The following PITPNC1 variants were observed in gnomAD, a reference collection of about 807,000 sequenced individuals.
PITPNC1 encodes cytoplasmic phosphatidylinositol transfer protein 1.
A neutral mutation model predicts 44.7 loss-of-function variants in PITPNC1; 18 were observed. That is an observed-to-expected ratio of 0.40 (90% CI 0.28 to 0.60). PITPNC1 has a LOEUF of 0.60. PITPNC1 is among the 20% of genes least tolerant of loss of function. PITPNC1 has a pLI of 0.39. For missense variants in PITPNC1, 290 were observed against 418.4 expected (o/e 0.69, Z 2.68); for synonymous variants, 141 against 149.6 (o/e 0.94, Z 0.42).
At chr17:67,626,457 C>A (rs2041896565) in intron 5 of PITPNC1, among the ~76,000 whole-genome samples, 1 of 152,072 alleles carries the variant, frequency 6.6e-6, no homozygotes, top group Non-Finnish European at 1.5e-5. Context: ...GCAGCCTCCA[C>A]CTCCTGGGTT....
chr17:67,490,114 G>C (rs1169590504), intron 1 of PITPNC1, among the ~76,000 whole-genome samples: 1 of 2,028 alleles, frequency 4.9e-4, no homozygotes, highest in Non-Finnish European at 1.2e-3. Flanking sequence ...AGGCTTTTCT[G>C]TGTGTGTGTG....
chr17:67,569,112 A>G (rs2041018972), intron 4 of PITPNC1, among the ~76,000 whole-genome samples: 1 of 121,982 alleles, frequency 8.2e-6, no homozygotes, highest in Non-Finnish European at 1.9e-5. Context: ...GACAGAAATA[A>G]GGGCTGCCAG....
At chr17:67,402,925 C>T (rs1361472444) in intron 1 of PITPNC1, among the ~76,000 whole-genome samples, 1 of 152,144 alleles carries the variant, frequency 6.6e-6, no homozygotes, top group African/African-American at 2.4e-5. Flanking sequence ...CCTTGGCCTC[C>T]CAAAGTGCTG....
chr17:67,412,356 T>C lies in PITPNC1; in HGVS notation c.48+34154T>C, dbSNP rs551366674. On this transcript the variant is annotated intron_variant, in intron 1 of 8. Transcript: ENST00000581322. ...AGATACTGACAAAACTAGGTGCTGATGGCACAAGCTCCAGGAGCCTTGGAA... is the reference window on the plus strand; with the variant it reads ...AGATACTGACAAAACTAGGTGCTGACGGCACAAGCTCCAGGAGCCTTGGAA... Among the ~76,000 whole-genome samples, 29 of 152,224 alleles carry C rather than the reference T, an allele frequency of 1.9e-4. No individual in the cohort carries two copies. The East Asian group carries it at 2.9e-3, about 15-fold the overall frequency.
rs1200561082 is a variant in PITPNC1 at position 67,532,990 on chromosome 17, C to G, written c.197+40C>G. The G allele has an allele frequency of 2.6e-6, 4 of 1,541,240 alleles. No individual in the cohort carries two copies. In the Admixed American group the frequency reaches 7.3e-5, roughly 28 times the overall value. ...CCTGCGTTCTGCACAGAAGCCCCCT[C>G]CCACCTGACCCCATGGTGTGACAGT... On this transcript the variant is annotated intron_variant, in intron 2 of 8. Coordinates refer to ENST00000581322, the MANE Select transcript of PITPNC1 (RefSeq NM_012417.4).
chr17:67,510,450 C>T (rs1243122642), intron 1 of PITPNC1, among the ~76,000 whole-genome samples: 2 of 152,208 alleles, frequency 1.3e-5, no homozygotes, highest in African/African-American at 4.8e-5. Context: ...TCTTTAGACC[C>T]CTGGGCTGGC....
intron 4 of PITPNC1, among the ~76,000 whole-genome samples, chr17:67,572,785 T>A (rs1447917940): frequency 8.7e-6 from 1 of 115,048 alleles, no homozygotes; most frequent in Non-Finnish European, 1.7e-5. Context: ...CAGCAGGAAG[T>A]TTTCCAGGGA....
At chr17:67,638,867 G>C (rs1012937426) in intron 6 of PITPNC1, 2 of 152,186 alleles carry the variant, frequency 1.3e-5, no homozygotes, top group Non-Finnish European at 2.9e-5. Flanking sequence ...CCAGCACTTT[G>C]GGGGAGGCTG....
intron 2 of PITPNC1, among the ~76,000 whole-genome samples, chr17:67,545,085 G>A (rs2040659502): frequency 6.6e-6 from 1 of 152,008 alleles, no homozygotes; most frequent in African/African-American, 2.4e-5. Context: ...GCTGAGGCAG[G>A]AGGATCCCTT....
chr17:67,379,393 G>GT, intron 1 of PITPNC1: 6 of 984,768 alleles, frequency 6.1e-6, no homozygotes, highest in Non-Finnish European at 7.2e-6. Context: ...AAGGGTTAAG[G>GT]TAAGACCCAA....
chr17:67,590,223 A>G (rs1344755994), intron 5 of PITPNC1, among the ~76,000 whole-genome samples: 7 of 152,184 alleles, frequency 4.6e-5, no homozygotes, highest in Non-Finnish European at 1.0e-4. Flanking sequence ...GGAAGATACT[A>G]AAATAGAATT....
chr17:67,497,996 G>T (rs147411618), intron 1 of PITPNC1, among the ~76,000 whole-genome samples: 1,740 of 151,896 alleles, frequency 0.011, 23 homozygotes, highest in Non-Finnish European at 0.019. Context: ...GAGTAGCTGG[G>T]ACCACAGGCA....
intron 8 of PITPNC1, among the ~76,000 whole-genome samples, chr17:67,677,782 G>C (rs1164360298): frequency 1.3e-5 from 2 of 151,896 alleles, no homozygotes; most frequent in African/African-American, 2.4e-5. Context: ...ATGCTGGCCA[G>C]GTTGGTCTCA....
chr17:67,564,942 C>A (rs1228666538), intron 4 of PITPNC1, among the ~76,000 whole-genome samples: 1 of 151,496 alleles, frequency 6.6e-6, no homozygotes, highest in African/African-American at 2.4e-5. Flanking sequence ...GGTGGGTATA[C>A]TAGTTTTTCA....
chr17:67,624,214 C>CTTTTTTT (rs71139163), intron 5 of PITPNC1, among the ~76,000 whole-genome samples: 5 of 127,116 alleles, frequency 3.9e-5, no homozygotes, highest in African/African-American at 1.2e-4. Flanking sequence ...TCTTTCTTTT[C>CTTTTTTT]TTTTTTTTTT....
chr17:67,607,567 T>G (rs2041624523), intron 5 of PITPNC1, among the ~76,000 whole-genome samples: 1 of 152,194 alleles, frequency 6.6e-6, no homozygotes, highest in African/African-American at 2.4e-5. Flanking sequence ...TACAGAGAAG[T>G]TTGTAAGAAG....
rs112445793 is a variant in PITPNC1, at chr17:67,440,881, C to T, written c.48+62679C>T. On this transcript the variant is annotated intron_variant, in intron 1 of 8. Transcript: ENST00000581322. Reference sequence around the variant, plus strand: ...GACTTTTGGGGTGGTTTAAAAATTACGCCTGTGTAGCACTGGGAACATTAT... The same window carrying T: ...GACTTTTGGGGTGGTTTAAAAATTATGCCTGTGTAGCACTGGGAACATTAT... Among the ~76,000 whole-genome samples, 9 of 151,974 alleles carry T rather than the reference C, an allele frequency of 5.9e-5. 1 individual carries two copies. Among genetic ancestry groups the T allele is most frequent in the South Asian group, 4.2e-4 (2 of 4,810 alleles).
intron 8 of PITPNC1, among the ~76,000 whole-genome samples, chr17:67,677,180 C>A (rs2042618569): frequency 6.6e-6 from 1 of 152,172 alleles, no homozygotes; most frequent in South Asian, 2.1e-4. Context: ...TCTCTCCCAG[C>A]TTGTGCTCCT....
intron 5 of PITPNC1, among the ~76,000 whole-genome samples, chr17:67,590,912 C>T (rs1458927642): frequency 6.6e-6 from 1 of 150,956 alleles, no homozygotes; most frequent in Non-Finnish European, 1.5e-5. Context: ...AAGAATGTGC[C>T]ATTGCACTCC....
Sources: gnomAD v4.1 joint callset for allele counts (sites outside exome capture counted in the v4.1 genomes callset) on GRCh38, gnomAD v4.1.1 for gene constraint, MANE v1.5 for transcripts, NCBI Gene and HGNC (gene_info 2026-07-23, HGNC 2026-07-21) for gene names.